The following PPP1R9A variants were observed in gnomAD, a reference collection of about 807,000 sequenced individuals.
PPP1R9A encodes the protein protein phosphatase 1 regulatory subunit 9A, also known as neurabin-1.
Under a neutral mutation model 141.9 loss-of-function variants are expected in PPP1R9A, and 59 were observed. That is an observed-to-expected ratio of 0.42 (90% CI 0.34 to 0.52). PPP1R9A has a LOEUF of 0.52. Ranked by LOEUF, PPP1R9A falls within the 20% of genes least tolerant of loss-of-function variation. The pLI is 0.10. For missense variants in PPP1R9A, 1,444 were observed against 1,611.9 expected (o/e 0.90, Z 1.78); for synonymous variants, 500 against 569.7 (o/e 0.88, Z 1.74).
intron 2 of PPP1R9A, among the ~76,000 whole-genome samples, chr7:94,917,979 T>G (rs778931453): frequency 6.6e-6 from 1 of 152,216 alleles, no homozygotes; most frequent in African/African-American, 2.4e-5. Flanking sequence ...TAGAGAAATA[T>G]AGTTAGATGT....
At position 95,167,751 on chromosome 7, in the gene PPP1R9A, A is replaced by G. The variant is rs147744602; in HGVS notation, c.1754+5780A>G. ...TACAGAAAATAAGTGCTGTTTCTAT[A>G]CAAAAATAATGAACTAGCTGAGAAA... On this transcript the variant is annotated intron_variant, in intron 5 of 19. Coordinates refer to ENST00000433360, the MANE Select transcript of PPP1R9A (RefSeq NM_001166160.2). 1.1e-4 allele frequency among the ~76,000 whole-genome samples: 16 copies of G among 152,266 alleles called. No individual in the cohort carries two copies. The East Asian group carries it at 3.1e-3, about 29-fold the overall frequency.
intron 4 of PPP1R9A, among the ~76,000 whole-genome samples, chr7:95,137,912 A>C (rs1284536687): frequency 6.6e-6 from 1 of 151,646 alleles, no homozygotes; most frequent in African/African-American, 2.4e-5. Context: ...GAAAACATAT[A>C]GTCAGTTGAC....
chr7:95,138,222 G>C (rs996901707), intron 4 of PPP1R9A, among the ~76,000 whole-genome samples: 1 of 152,074 alleles, frequency 6.6e-6, no homozygotes, highest in Non-Finnish European at 1.5e-5. Context: ...ATGAGCCACC[G>C]CGCCCGGCCA....
At chr7:94,945,417 A>G (rs1403516006) in intron 2 of PPP1R9A, among the ~76,000 whole-genome samples, 1 of 152,040 alleles carries the variant, frequency 6.6e-6, no homozygotes, top group Non-Finnish European at 1.5e-5. Flanking sequence ...GGATGGAGGG[A>G]CATATATTAG....
chr7:94,963,004 C>G (rs1261339850), intron 2 of PPP1R9A, among the ~76,000 whole-genome samples: 1 of 151,936 alleles, frequency 6.6e-6, no homozygotes, highest in Non-Finnish European at 1.5e-5. Flanking sequence ...TACATGAAGT[C>G]ACAGAATTGA....
intron 2 of PPP1R9A, among the ~76,000 whole-genome samples, chr7:95,080,832 G>A (rs949813085): frequency 5.9e-5 from 9 of 152,240 alleles, no homozygotes; most frequent in Admixed American, 2.0e-4. Context: ...CCTACAGAAC[G>A]AAGTAGATGT....
chr7:94,926,772 T>A (rs1471601115), intron 2 of PPP1R9A, among the ~76,000 whole-genome samples: 1 of 152,176 alleles, frequency 6.6e-6, no homozygotes, highest in African/African-American at 2.4e-5. Context: ...TGGTTTTAAT[T>A]CCATAGCTAA....
At chr7:95,158,076 T>A (rs908076204) in intron 4 of PPP1R9A, among the ~76,000 whole-genome samples, 3 of 152,172 alleles carry the variant, frequency 2.0e-5, no homozygotes, top group Non-Finnish European at 2.9e-5. Flanking sequence ...AAACTAGTTA[T>A]AAAGCTTTAT....
chr7:95,090,827 A>C (rs376955865), intron 2 of PPP1R9A, among the ~76,000 whole-genome samples: 1 of 151,972 alleles, frequency 6.6e-6, no homozygotes. Flanking sequence ...AAAAGAAAAA[A>C]ATCATTCATA....
chr7:94,907,934 C>T (rs1414947662), intron 1 of PPP1R9A: 1 of 147,700 alleles, frequency 6.8e-6, no homozygotes, highest in Non-Finnish European at 1.5e-5. Flanking sequence ...CCGCCGCGGG[C>T]AGGGAGCGCC....
intron 2 of PPP1R9A, among the ~76,000 whole-genome samples, chr7:94,981,282 G>C (rs1800073192): frequency 6.6e-6 from 1 of 152,164 alleles, no homozygotes; most frequent in Non-Finnish European, 1.5e-5. Flanking sequence ...CGCCCAGGCT[G>C]TAGTGCAGTG....
chr7:95,274,057 C>G (rs746765081), intron 15 of PPP1R9A, 28 bp from the exon 16 acceptor site: 2 of 1,518,214 alleles, frequency 1.3e-6, no homozygotes, highest in Non-Finnish European at 1.8e-6. Flanking sequence ...TTCAGCTTCC[C>G]CTTTCTGACT....
chr7:95,259,277 A>G (rs928465387), intron 12 of PPP1R9A, among the ~76,000 whole-genome samples: 8 of 151,898 alleles, frequency 5.3e-5, no homozygotes, highest in African/African-American at 1.7e-4. Flanking sequence ...TGATGGAGGT[A>G]CATGGTTGTC....
At chr7:94,981,325 TG>T (rs1800083731) in intron 2 of PPP1R9A, among the ~76,000 whole-genome samples, 1 of 152,154 alleles carries the variant, frequency 6.6e-6, no homozygotes, top group South Asian at 2.1e-4. Flanking sequence ...CTGCAACCTC[TG>T]TCTCTCAGGT....
At chr7:94,937,695 A>G (rs1794915211) in intron 2 of PPP1R9A, among the ~76,000 whole-genome samples, 1 of 152,194 alleles carries the variant, frequency 6.6e-6, no homozygotes, top group African/African-American at 2.4e-5. Context: ...GAGAACCTTT[A>G]TGTAATCAGC....
intron 5 of PPP1R9A, among the ~76,000 whole-genome samples, chr7:95,171,651 A>G (rs1181998235): frequency 6.6e-6 from 1 of 151,652 alleles, no homozygotes; most frequent in East Asian, 1.9e-4. Flanking sequence ...CTCAAGAAAA[A>G]ATTGTTTATG....
intron 5 of PPP1R9A, among the ~76,000 whole-genome samples, chr7:95,166,053 G>A (rs1441980702): frequency 6.6e-6 from 1 of 151,534 alleles, no homozygotes; most frequent in Non-Finnish European, 1.5e-5. Context: ...GGAGGCTGAG[G>A]CAGGAGAATC....
intron 8 of PPP1R9A, among the ~76,000 whole-genome samples, chr7:95,244,259 G>A (rs558589068): frequency 4.5e-4 from 69 of 152,230 alleles, no homozygotes; most frequent in Non-Finnish European, 8.2e-4. Flanking sequence ...TGGTGAGATG[G>A]AAAGGGTAGA....
At chr7:94,964,912 A>C (rs998939378) in intron 2 of PPP1R9A, among the ~76,000 whole-genome samples, 2 of 152,238 alleles carry the variant, frequency 1.3e-5, no homozygotes, top group African/African-American at 4.8e-5. Flanking sequence ...TGTCTTTCAC[A>C]GTGGTTGAAC....
Sources: allele counts gnomAD v4.1 joint callset (sites outside exome capture counted in the v4.1 genomes callset), GRCh38; gene constraint gnomAD v4.1.1; transcripts MANE v1.5; gene names NCBI Gene and HGNC (gene_info 2026-07-23, HGNC 2026-07-21).